The following PI4KA variants were observed in gnomAD, a reference collection of about 807,000 sequenced individuals.
PI4KA encodes the protein phosphatidylinositol 4-kinase alpha.
A neutral mutation model predicts 271.4 loss-of-function variants in PI4KA; 122 were observed. That is an observed-to-expected ratio of 0.45 (90% CI 0.39 to 0.52). The LOEUF (loss-of-function observed/expected upper bound fraction) is 0.52. Ranked by LOEUF, PI4KA falls within the 20% of genes least tolerant of loss-of-function variation. The pLI is 0.00. For synonymous variants in PI4KA, 1,041 were observed against 1,078.8 expected (o/e 0.96, Z 0.69); for missense variants, 1,969 against 2,769.1 (o/e 0.71, Z 6.48).
chr22:20,731,318 G>A (rs1054260858), intron 36 of PI4KA, among the ~76,000 whole-genome samples: 4 of 152,236 alleles, frequency 2.6e-5, no homozygotes, highest in Non-Finnish European at 5.9e-5. Flanking sequence ...AGACTGTAAG[G>A]ACTGTTTGCC....
intron 1 of PI4KA, among the ~76,000 whole-genome samples, chr22:20,857,768 A>G (rs1318300662): frequency 1.3e-5 from 2 of 152,146 alleles, no homozygotes; most frequent in African/African-American, 4.8e-5. Context: ...GGACATGGTA[A>G]GTAAGTGCCA....
chr22:20,743,495 G>A (rs1038112740), intron 30 of PI4KA, among the ~76,000 whole-genome samples: 1 of 151,760 alleles, frequency 6.6e-6, no homozygotes, highest in Non-Finnish European at 1.5e-5. Context: ...TTGCTCTGTT[G>A]CCCAGGCTGG....
chr22:20,802,067 G>A lies in PI4KA; in HGVS notation c.1630C>T (p.His544Tyr), dbSNP rs775214102. Residue 544 changes from histidine to tyrosine, a missense_variant, in exon 14 of 55, where the codon CAT becomes TAT. Around this residue, in one of 13 missense-constraint regions of PI4KA, gnomAD observed 228 missense variants for 261.6 expected, o/e 0.87. Transcript: ENST00000255882. ...ATGACGTTCAGGGTTGACTCGGAAT[G>A]CTCATTGGTCACACTGATTTTTATA... Reference protein sequence around the residue: ...NDIKISVTNEHSESTLNVMSG... With the variant: ...NDIKISVTNEYSESTLNVMSG... 18 of 1,613,954 alleles carry A rather than the reference G, an allele frequency of 1.1e-5. No homozygotes were observed. The highest frequency in any genetic ancestry group is 1.1e-5 in the Non-Finnish European group (13 of 1,179,864).
chr22:20,826,577 T>C (rs939226884), intron 3 of PI4KA, among the ~76,000 whole-genome samples: 2 of 152,210 alleles, frequency 1.3e-5, no homozygotes, highest in South Asian at 4.1e-4. Flanking sequence ...AATAATGGGA[T>C]TGCTGGGTCA....
Position 20,834,669 on chromosome 22 carries a change from A to G in PI4KA, c.274-14T>C, listed in dbSNP as rs759327627. On this transcript the variant is annotated splice_polypyrimidine_tract_variant and intron_variant, in intron 2 of 54. Transcript: ENST00000255882. ...ACAATCTTTGTGCTAAAAAATAATA[A>G]GAAGAATAATAAATTAGATTTAATA... The G allele has an allele frequency of 2.0e-6, 3 of 1,506,662 alleles. No homozygotes were observed. The highest frequency in any genetic ancestry group is 1.4e-5 in the African/African-American group (1 of 72,570). 93.3% of individuals were successfully genotyped at this position (1,506,662 alleles called of 1,614,324 possible). A position where few individuals can be genotyped will look rare whatever the true frequency, so the allele number is the denominator to read the frequency against.
rs1935354021 is a variant in PI4KA, at chr22:20,801,888, A to C, written c.1724+85T>G. On this transcript the variant is annotated intron_variant, in intron 14 of 54. Transcript: ENST00000255882. ...GCAACAGAGCGAGACTCAATCTCAA[A>C]AAAGAAGTATAAATGTCTCTTATTT... is the stretch of plus-strand genomic sequence containing the variant. 19 of 1,458,456 alleles carry C rather than the reference A, an allele frequency of 1.3e-5. No individual in the cohort carries two copies. The South Asian group carries it at 2.3e-4, about 18-fold the overall frequency. 90.3% of individuals were successfully genotyped at this position (1,458,456 alleles called of 1,614,324 possible). A position where few individuals can be genotyped will look rare whatever the true frequency, so the allele number is the denominator to read the frequency against.
chr22:20,840,556 C>G (rs1342020410), intron 1 of PI4KA, among the ~76,000 whole-genome samples: 1 of 151,706 alleles, frequency 6.6e-6, no homozygotes, highest in Non-Finnish European at 1.5e-5. Context: ...CCTGCAGCAG[C>G]TGAGGAGACT....
chr22:20,810,355 A>C (rs165621), intron 9 of PI4KA, among the ~76,000 whole-genome samples: 69,431 of 151,700 alleles, frequency 0.46, 16,479 homozygotes, highest in African/African-American at 0.57. Context: ...AAAATACAAA[A>C]AAAGTTAGCT....
chr22:20,748,552 GGCTCA>G (rs777911006), intron 28 of PI4KA, among the ~76,000 whole-genome samples: 1 of 152,218 alleles, frequency 6.6e-6, no homozygotes, highest in Non-Finnish European at 1.5e-5. Context: ...GACCACAGGG[GGCTCA>G]GCCTGCAGGA....
rs1168682657 is a variant in PI4KA at position 20,709,339 on chromosome 22, T to A, written c.6214A>T (p.Asn2072Tyr). ...SPNMTEREAA[N>Y]FIMKVIQSCF... ...CTCTGGATGACCTTCATGATGAAAT[T>A]TGCAGCCTCGCGCTCAGTCATGTTG... Residue 2072 changes from asparagine (N) to tyrosine (Y), a missense_variant, in exon 54 of 55, where the codon AAT becomes TAT. This residue lies in a region of PI4KA where 110 missense variants were observed against 349.8 expected (regional missense o/e 0.31). Transcript: ENST00000255882. The A allele has an allele frequency of 7.3e-7, 1 of 1,371,790 alleles. No homozygotes were observed. The highest frequency in any genetic ancestry group is 1.6e-5 in the African/African-American group (1 of 61,858). The allele number at this position is 1,371,790 out of a possible 1,614,324, so 85.0% of individuals were successfully genotyped here.
rs372281089 is a variant in PI4KA at position 20,831,609 on chromosome 22, AAAAAC to A, written c.367+2948_367+2952del. Among the ~76,000 whole-genome samples the A allele has an allele frequency of 8.9e-3, 367 of 41,118 alleles. 1 individual carries two copies. Among genetic ancestry groups the A allele is most frequent in the African/African-American group, 0.037 (281 of 7,662 alleles). The allele number at this position is 41,118 out of a possible 152,430, so 27.0% of individuals were successfully genotyped here. Reference sequence around the variant, plus strand: ...CAAAAACAAAAACAAAAACAAAAACAAAAACAAAACAAAACAAAAAGGCTGAATGT... The same window carrying A: ...CAAAAACAAAAACAAAAACAAAAACAAAAACAAAACAAAAAGGCTGAATGT... On this transcript the variant is annotated intron_variant, in intron 3 of 54. Transcript: ENST00000255882.
chr22:20,779,970 T>G (rs765189471), intron 19 of PI4KA: 1 of 1,614,190 alleles, frequency 6.2e-7, no homozygotes, highest in South Asian at 1.1e-5. Flanking sequence ...CACACTGCGG[T>G]CAGTCAATGA....
At chr22:20,848,814 CA>C (rs1926599750) in intron 1 of PI4KA, among the ~76,000 whole-genome samples, 1 of 143,692 alleles carries the variant, frequency 7.0e-6, no homozygotes, top group Non-Finnish European at 1.5e-5. Flanking sequence ...GCACAAGGGA[CA>C]AAAGAAAAAA....
intron 3 of PI4KA, among the ~76,000 whole-genome samples, chr22:20,830,738 A>G (rs747143896): frequency 5.9e-5 from 9 of 152,028 alleles, no homozygotes; most frequent in Non-Finnish European, 8.8e-5. Flanking sequence ...TAGTGTCACT[A>G]GTCTAGGTAC....
At chr22:20,791,326 CAG>C (rs1214098824) in intron 19 of PI4KA, among the ~76,000 whole-genome samples, 1 of 152,220 alleles carries the variant, frequency 6.6e-6, no homozygotes, top group Non-Finnish European at 1.5e-5. Context: ...CTGCTGCCAA[CAG>C]AGTGGCTTGG....
chr22:20,786,300 C>T (rs749918730), intron 19 of PI4KA: 3 of 879,796 alleles, frequency 3.4e-6, no homozygotes, highest in Non-Finnish European at 5.5e-6. Context: ...ACACAGAATG[C>T]CTAGTTTCAT....
Position 20,845,391 on chromosome 22 carries a change from A to AT in PI4KA, c.157-6661dup, listed in dbSNP as rs546931118. ...ATTATAAAAGTTGGATAATTAAATG[A>AT]TTTTTTTAAAAGAGTACTACTTGTT... On this transcript the variant is annotated intron_variant, in intron 1 of 54. Transcript: ENST00000255882. Among the ~76,000 whole-genome samples the AT allele has an allele frequency of 3.9e-4, 60 of 152,266 alleles. No individual in the cohort carries two copies. The South Asian group carries it at 0.011, about 27-fold the overall frequency.
intron 6 of PI4KA, among the ~76,000 whole-genome samples, chr22:20,818,793 G>C (rs1922185169): frequency 6.6e-6 from 1 of 152,144 alleles, no homozygotes. Flanking sequence ...TCAGTGTTTT[G>C]TGTTTTTGTC....
chr22:20,833,655 T>C (rs1280840207), intron 3 of PI4KA, among the ~76,000 whole-genome samples: 1 of 138,832 alleles, frequency 7.2e-6, no homozygotes, highest in African/African-American at 2.7e-5. Flanking sequence ...TGGTTTGTTT[T>C]TGTTTTTTTT....
Sources: allele counts gnomAD v4.1 joint callset (sites outside exome capture counted in the v4.1 genomes callset), GRCh38; gene constraint gnomAD v4.1.1; regional missense constraint gnomAD v4.1.1; transcripts MANE v1.5; gene names NCBI Gene and HGNC (gene_info 2026-07-23, HGNC 2026-07-21).